The following GRIA1 variants were observed in gnomAD, a reference collection of about 807,000 sequenced individuals.
The protein encoded by GRIA1 is glutamate ionotropic receptor AMPA type subunit 1.
GRIA1 carries 31 observed loss-of-function variants against 99.2 expected under a neutral mutation model. The observed-to-expected ratio is 0.31, with a 90% confidence interval of 0.23 to 0.42. The LOEUF (loss-of-function observed/expected upper bound fraction) is 0.42, where lower values mean the gene tolerates loss of function less well. GRIA1 is among the 10% of genes least tolerant of loss of function. The pLI is 1.00. For missense variants in GRIA1, 782 were observed against 1,157.5 expected (o/e 0.68, Z 4.71); for synonymous variants, 438 against 432.4 (o/e 1.01, Z -0.16).
chr5:153,523,016 A>ATCTCTCTCTCTCTC (rs61177262), intron 2 of GRIA1, among the ~76,000 whole-genome samples: 2,191 of 141,550 alleles, frequency 0.015, 30 homozygotes, highest in Non-Finnish European at 0.02. Context: ...TGTTCCTGAT[A>ATCTCTCTCTCTCTC]TCTCTCTCTC....
rs34623069 is a variant in GRIA1 at position 153,739,088 on chromosome 5, C to CAAAAAA, written c.1824-25336_1824-25331dup. On this transcript the variant is annotated intron_variant, in intron 11 of 15. Coordinates refer to ENST00000285900, the MANE Select transcript of GRIA1 (RefSeq NM_000827.4). The stretch of plus-strand genomic sequence containing the variant: ...CCATTCTGCAAGGCAGGGATTTCTC[C>CAAAAAA]AAAAAAAAAAAAAAATGTGAATGGG... Among the ~76,000 whole-genome samples the CAAAAAA allele has an allele frequency of 6.8e-3, 949 of 139,400 alleles. 10 individuals are homozygous for CAAAAAA. Among genetic ancestry groups the CAAAAAA allele is most frequent in the African/African-American group, 0.024 (891 of 37,864 alleles). The allele number at this position is 139,400 out of a possible 152,430, so 91.5% of individuals were successfully genotyped here.
intron 15 of GRIA1, among the ~76,000 whole-genome samples, chr5:153,804,701 T>G (rs1766295061): frequency 6.6e-6 from 1 of 151,868 alleles, no homozygotes; most frequent in Non-Finnish European, 1.5e-5. Flanking sequence ...TTTTAGTAAC[T>G]CTCTGATCCT....
intron 2 of GRIA1, among the ~76,000 whole-genome samples, chr5:153,563,867 G>A (rs1761381143): frequency 6.6e-6 from 1 of 152,148 alleles, no homozygotes; most frequent in African/African-American, 2.4e-5. Flanking sequence ...GGGTATGGAG[G>A]CAGTCTACTA....
Position 153,803,090 on chromosome 5 carries a change from G to A in GRIA1, c.2520+600G>A, listed in dbSNP as rs536145527. Among the ~76,000 whole-genome samples, 338 of 152,256 alleles carry A rather than the reference G, an allele frequency of 2.2e-3. 2 individuals are homozygous for A. Among genetic ancestry groups the A allele is most frequent in the African/African-American group, 7.9e-3 (329 of 41,540 alleles). On this transcript the variant is annotated intron_variant, in intron 15 of 15. Transcript: ENST00000285900. Reference sequence around the variant, plus strand: ...TACCAATATTTTCCAAGTGGAAAAAGAAAACAGGCTAGTTCTATGGAGTCC... The same window carrying A: ...TACCAATATTTTCCAAGTGGAAAAAAAAAACAGGCTAGTTCTATGGAGTCC...
intron 10 of GRIA1, among the ~76,000 whole-genome samples, chr5:153,699,533 T>G (rs1758360499): frequency 6.6e-6 from 1 of 152,166 alleles, no homozygotes; most frequent in African/African-American, 2.4e-5. Flanking sequence ...TTCCCTAGAG[T>G]GCTCCCTTCC....
At chr5:153,645,329 A>C (rs1754066391) in intron 2 of GRIA1, among the ~76,000 whole-genome samples, 1 of 152,178 alleles carries the variant, frequency 6.6e-6, no homozygotes, top group Non-Finnish European at 1.5e-5. Flanking sequence ...TTCAGCTGCA[A>C]TCTTTAAGAG....
intron 7 of GRIA1, among the ~76,000 whole-genome samples, chr5:153,682,324 C>T (rs1191723901): frequency 6.6e-6 from 1 of 152,206 alleles, no homozygotes; most frequent in East Asian, 1.9e-4. Flanking sequence ...TCCTTCAGGA[C>T]TGCCTTTCAG....
intron 13 of GRIA1, among the ~76,000 whole-genome samples, chr5:153,791,658 G>T (rs534108709): frequency 1.2e-4 from 18 of 152,070 alleles, no homozygotes; most frequent in Admixed American, 5.2e-4. Flanking sequence ...AACCAAACAG[G>T]GATATAAGGA....
At chr5:153,598,692 T>C (rs6898022) in intron 2 of GRIA1, among the ~76,000 whole-genome samples, 1,623 of 152,320 alleles carry the variant, frequency 0.011, 22 homozygotes, top group African/African-American at 0.037. Context: ...CCTTTCCTTA[T>C]AGCCAATATT....
At chr5:153,701,407 G>C (rs1758507095) in intron 10 of GRIA1, among the ~76,000 whole-genome samples, 1 of 151,914 alleles carries the variant, frequency 6.6e-6, no homozygotes, top group South Asian at 2.1e-4. Flanking sequence ...GAGGTCAGGA[G>C]ATCTAGACCA....
intron 4 of GRIA1, among the ~76,000 whole-genome samples, chr5:153,655,430 A>G (rs1581411553): frequency 2.0e-5 from 3 of 152,216 alleles, no homozygotes; most frequent in Admixed American, 1.3e-4. Context: ...GCAACATAAA[A>G]TTCCCACCTA....
At chr5:153,686,189 T>G (rs1178559052) in intron 7 of GRIA1, 36 bp from the exon 8 acceptor site, 3 of 1,445,654 alleles carry the variant, frequency 2.1e-6, no homozygotes, top group African/African-American at 1.4e-5. Flanking sequence ...AAAGTACATC[T>G]GAGTTCACTG....
chr5:153,526,041 GA>G (rs1757563555), intron 2 of GRIA1, among the ~76,000 whole-genome samples: 1 of 152,238 alleles, frequency 6.6e-6, no homozygotes, highest in Non-Finnish European at 1.5e-5. Context: ...TTCTTGTGGT[GA>G]AAAGGTCCTG....
chr5:153,610,945 T>G (rs1030449676), intron 2 of GRIA1, among the ~76,000 whole-genome samples: 1 of 152,258 alleles, frequency 6.6e-6, no homozygotes, highest in African/African-American at 2.4e-5. Flanking sequence ...CTCTTTCATT[T>G]AAAGTTCTGA....
intron 2 of GRIA1, among the ~76,000 whole-genome samples, chr5:153,575,893 AC>A (rs1156828064): frequency 6.6e-6 from 1 of 152,212 alleles, no homozygotes; most frequent in African/African-American, 2.4e-5. Context: ...GCTTTGTGTG[AC>A]CTTGTATACA....
At chr5:153,728,729 AAAC>A (rs1760767386) in intron 11 of GRIA1, among the ~76,000 whole-genome samples, 1 of 99,628 alleles carries the variant, frequency 1.0e-5, no homozygotes, top group African/African-American at 4.3e-5. Flanking sequence ...AAAAGTCAGG[AAAC>A]AACAGGTGCT....
At chr5:153,676,166 A>T (rs1311628919) in intron 6 of GRIA1, among the ~76,000 whole-genome samples, 3 of 152,188 alleles carry the variant, frequency 2.0e-5, no homozygotes, top group Non-Finnish European at 4.4e-5. Flanking sequence ...ATGTAATTTA[A>T]TTTTTTAAAA....
At chr5:153,536,452 T>A (rs1758582695) in intron 2 of GRIA1, among the ~76,000 whole-genome samples, 2 of 152,176 alleles carry the variant, frequency 1.3e-5, no homozygotes, top group African/African-American at 4.8e-5. Flanking sequence ...GACAGCTCCT[T>A]TGGGGGAAAG....
chr5:153,654,495 A>G (rs1388419825), intron 4 of GRIA1, among the ~76,000 whole-genome samples: 1 of 152,066 alleles, frequency 6.6e-6, no homozygotes, highest in Admixed American at 6.6e-5. Context: ...AAACCATTTG[A>G]CAAGCAGATG....
Sources: allele counts gnomAD v4.1 joint callset (sites outside exome capture counted in the v4.1 genomes callset), GRCh38; gene constraint gnomAD v4.1.1; transcripts MANE v1.5; gene names NCBI Gene and HGNC (gene_info 2026-07-23, HGNC 2026-07-21).